The following SLA variants were observed in gnomAD, a reference collection of about 807,000 sequenced individuals.
SLA encodes the protein Src like adaptor.
SLA carries 16 observed loss-of-function variants against 30.3 expected under a neutral mutation model. The observed-to-expected ratio is 0.53, with a 90% CI of 0.36 to 0.80. The LOEUF is 0.80. Ranked by LOEUF, SLA falls within the 30% of genes least tolerant of loss-of-function variation. The pLI is 0.01. For synonymous variants in SLA, 143 were observed against 137.8 expected, an observed-to-expected ratio of 1.04 and a Z score of -0.26; for missense variants, 310 against 345.2, an observed-to-expected ratio of 0.90 and a Z score of 0.81.
chr8:133,039,955 A>G (rs746330600), intron 8 of SLA, 43 bp downstream of exon 8: 16 of 915,516 alleles, frequency 1.7e-5, no homozygotes, highest in Non-Finnish European at 2.3e-5. Flanking sequence ...ACTTGCATGC[A>G]CACACACACA....
chr8:133,069,311 A>C (rs1469544022), intron 2 of SLA, among the ~76,000 whole-genome samples: 2 of 152,278 alleles, frequency 1.3e-5, no homozygotes, highest in African/African-American at 4.8e-5. Context: ...GATGGGAATC[A>C]GCATTTCACC....
intron 1 of SLA, among the ~76,000 whole-genome samples, chr8:133,085,361 A>G (rs1416833840): frequency 1.3e-5 from 2 of 152,264 alleles, no homozygotes; most frequent in Non-Finnish European, 2.9e-5. Flanking sequence ...ATCGGATTTC[A>G]TCACAATTTA....
intron 2 of SLA, among the ~76,000 whole-genome samples, chr8:133,062,384 G>A (rs554736955): frequency 5.9e-4 from 90 of 152,362 alleles, no homozygotes; most frequent in African/African-American, 2.2e-3. Flanking sequence ...CAAGAAATGT[G>A]CTTCCCCAAA....
intron 3 of SLA, among the ~76,000 whole-genome samples, chr8:133,051,469 G>A (rs573634002): frequency 2.0e-5 from 3 of 152,242 alleles, no homozygotes; most frequent in African/African-American, 7.2e-5. Context: ...AGGACCATGA[G>A]GCAGTAACTC....
intron 2 of SLA, among the ~76,000 whole-genome samples, chr8:133,065,279 T>C (rs1400539932): frequency 6.6e-6 from 1 of 152,190 alleles, no homozygotes; most frequent in African/African-American, 2.4e-5. Flanking sequence ...CCCCACTTTA[T>C]AGCTGAGATA....
chr8:133,100,407 T>C (rs1849061333), intron 1 of SLA, among the ~76,000 whole-genome samples: 1 of 152,226 alleles, frequency 6.6e-6, no homozygotes, highest in South Asian at 2.1e-4. Context: ...TTGAAACTGC[T>C]ATATCTCTGG....
At chr8:133,096,585 TG>T (rs1376805584) in intron 1 of SLA, among the ~76,000 whole-genome samples, 1 of 152,196 alleles carries the variant, frequency 6.6e-6, no homozygotes, top group African/African-American at 2.4e-5. Flanking sequence ...AAATTACAGC[TG>T]TGAATGAATC....
Position 133,038,650 on chromosome 8 carries a change from A to G in SLA, c.705T>C (p.Ser235=). ...FSYGLRESIA[S]YLSLTSEDNT... Reference sequence around the variant, plus strand: ...TGTCCTCACTGGTCAGGGACAGGTAAGAGGCAATGCTCTCTCGAAGGCCAT... The same window carrying G: ...TGTCCTCACTGGTCAGGGACAGGTAGGAGGCAATGCTCTCTCGAAGGCCAT... Residue 235 remains serine (S), a synonymous_variant, in exon 9 of 9, where the codon TCT becomes TCC. Transcript: ENST00000338087. 6.2e-7 allele frequency: 1 copy of G among 1,614,058 alleles called. No individual in the cohort carries two copies. The highest frequency in any genetic ancestry group is 8.5e-7 in the Non-Finnish European group (1 of 1,179,958).
intron 2 of SLA, among the ~76,000 whole-genome samples, chr8:133,068,037 G>A (rs1042195532): frequency 6.6e-6 from 1 of 152,198 alleles, no homozygotes; most frequent in African/African-American, 2.4e-5. Flanking sequence ...TGGGGGCTCA[G>A]CTCAGCATCT....
intron 1 of SLA, among the ~76,000 whole-genome samples, chr8:133,093,952 T>C (rs1847998361): frequency 6.6e-6 from 1 of 152,150 alleles, no homozygotes; most frequent in South Asian, 2.1e-4. Flanking sequence ...CCACAGTGGT[T>C]GCTATTATTT....
intron 1 of SLA, chr8:133,090,144 C>G (rs1015922139): frequency 6.6e-6 from 1 of 152,194 alleles, no homozygotes; most frequent in African/African-American, 2.4e-5. Context: ...AAAAGAAATA[C>G]AAGGTTGATA....
In SLA at chr8:133,047,820, G is replaced by C; in HGVS notation, c.352+10C>G. The C allele has an allele frequency of 6.9e-7, 1 of 1,439,368 alleles. No individual in the cohort carries two copies. The highest frequency in any genetic ancestry group is 9.8e-7 in the Non-Finnish European group (1 of 1,020,104). The allele number at this position is 1,439,368 out of a possible 1,614,324, so 89.2% of individuals were successfully genotyped here. A position where few individuals can be genotyped will look rare whatever the true frequency, so the allele number is the denominator to read the frequency against. On this transcript the variant is annotated intron_variant, in intron 6 of 8. Coordinates refer to ENST00000338087, the MANE Select transcript of SLA (RefSeq NM_001045556.3). ...CCCGGATGGGGAAAGATGAGTTGGG[G>C]GCCACTCACCTTTCTTGGTCTCACT... is the stretch of plus-strand genomic sequence containing the variant.
chr8:133,051,316 C>T (rs1328810694), intron 3 of SLA, among the ~76,000 whole-genome samples: 5 of 152,144 alleles, frequency 3.3e-5, no homozygotes, highest in Non-Finnish European at 7.3e-5. Context: ...GTATGTTACA[C>T]CACATACGTT....
chr8:133,093,281 C>T (rs1394941623), intron 1 of SLA, among the ~76,000 whole-genome samples: 1 of 152,136 alleles, frequency 6.6e-6, no homozygotes, highest in African/African-American at 2.4e-5. Flanking sequence ...TCATTGAATT[C>T]CAGGCCTTGG....
chr8:133,076,275 G>A (rs1254184139), intron 1 of SLA: 3 of 152,292 alleles, frequency 2.0e-5, no homozygotes, highest in East Asian at 3.8e-4. Context: ...CAGAATCTAC[G>A]GCCGGTGACC....
chr8:133,051,248 A>G (rs1840354440), intron 3 of SLA, among the ~76,000 whole-genome samples: 1 of 152,178 alleles, frequency 6.6e-6, no homozygotes, highest in Non-Finnish European at 1.5e-5. Context: ...CACCCTCTCC[A>G]TCTTTAAAAT....
intron 1 of SLA, among the ~76,000 whole-genome samples, chr8:133,090,820 G>T (rs1482202434): frequency 1.3e-5 from 2 of 152,136 alleles, no homozygotes; most frequent in Non-Finnish European, 2.9e-5. Context: ...TAAAACCCCA[G>T]TCTATCTGGA....
intron 3 of SLA, among the ~76,000 whole-genome samples, chr8:133,054,827 T>TA (rs1184638155): frequency 6.6e-6 from 1 of 152,212 alleles, no homozygotes; most frequent in Non-Finnish European, 1.5e-5. Context: ...AGGCAGGCCT[T>TA]ACGGGACTTA....
At chr8:133,050,017 A>G (rs768443726) in intron 4 of SLA, 29 bp from the exon 5 acceptor site, 8 of 1,460,160 alleles carry the variant, frequency 5.5e-6, no homozygotes, top group Non-Finnish European at 6.7e-6. Flanking sequence ...AGAAGAACAC[A>G]GAGATAGGTA....
Sources: allele counts gnomAD v4.1 joint callset (sites outside exome capture counted in the v4.1 genomes callset), GRCh38; gene constraint gnomAD v4.1.1; transcripts MANE v1.5; gene names NCBI Gene and HGNC (gene_info 2026-07-23, HGNC 2026-07-21).